RAPGEF4: variants seen among roughly 807,000 people sequenced by gnomAD.
RAPGEF4 encodes Rap guanine nucleotide exchange factor 4.
A neutral mutation model predicts 147.9 loss-of-function variants in RAPGEF4; 66 were observed. That is an observed-to-expected ratio of 0.45 (90% confidence interval 0.37 to 0.55). The LOEUF is 0.55. Ranked by LOEUF, RAPGEF4 falls within the 20% of genes least tolerant of loss-of-function variation. The probability of loss-of-function intolerance (pLI) is 0.00; values close to 1 mark genes in which losing one functional copy is unlikely to be tolerated. For missense variants in RAPGEF4, 1,071 were observed against 1,257.3 expected, an observed-to-expected ratio of 0.85 and a Z score of 2.24; for synonymous variants, 419 against 442.7, an observed-to-expected ratio of 0.95 and a Z score of 0.67.
chr2:172,841,078 T>C (rs1347046562), intron 4 of RAPGEF4, among the ~76,000 whole-genome samples: 1 of 152,220 alleles, frequency 6.6e-6, no homozygotes, highest in Non-Finnish European at 1.5e-5. Context: ...ATGCATGCTA[T>C]GGTTTGGATA....
intron 25 of RAPGEF4, among the ~76,000 whole-genome samples, chr2:173,028,503 G>T (rs1416774772): frequency 6.6e-6 from 1 of 152,176 alleles, no homozygotes; most frequent in Non-Finnish European, 1.5e-5. Context: ...GCCTGATCCT[G>T]TTATTTTACA....
At chr2:172,737,270 A>G (rs1402123637) in intron 1 of RAPGEF4, among the ~76,000 whole-genome samples, 1 of 152,208 alleles carries the variant, frequency 6.6e-6, no homozygotes, top group Non-Finnish European at 1.5e-5. Context: ...AATAAATAGT[A>G]AGAGAATTAA....
intron 29 of RAPGEF4, among the ~76,000 whole-genome samples, chr2:173,045,258 G>C (rs1350117910): frequency 6.6e-6 from 1 of 152,234 alleles, no homozygotes; most frequent in Non-Finnish European, 1.5e-5. Context: ...CAGCAAAGGA[G>C]GCTGAGAGGT....
chr2:172,757,991 G>A (rs960294024), intron 1 of RAPGEF4, among the ~76,000 whole-genome samples: 1 of 152,116 alleles, frequency 6.6e-6, no homozygotes. Flanking sequence ...TATATCTTAT[G>A]TTTGAAGGCA....
intron 29 of RAPGEF4, 88 bp from the exon 30 acceptor site, chr2:173,048,512 G>A: frequency 6.4e-7 from 1 of 1,573,584 alleles, no homozygotes; most frequent in Admixed American, 1.8e-5. Flanking sequence ...ATGGTACCAA[G>A]TATTGCAGAA....
intron 4 of RAPGEF4, among the ~76,000 whole-genome samples, chr2:172,887,673 C>T (rs1697398585): frequency 6.6e-6 from 1 of 152,206 alleles, no homozygotes; most frequent in Admixed American, 6.5e-5. Flanking sequence ...TGACAGAAAA[C>T]CTTTGCTGAT....
chr2:172,803,446 T>G (rs1314753549), intron 3 of RAPGEF4, among the ~76,000 whole-genome samples: 1 of 152,020 alleles, frequency 6.6e-6, no homozygotes, highest in Non-Finnish European at 1.5e-5. Context: ...ATGGCTGGAG[T>G]GGCTAGGATG....
rs982971232 is a variant in RAPGEF4, at chr2:172,736,022, C to G, written c.39C>G (p.Ala13=). ...ACGCTGCCCATTCTTCCTCCTCTGC[C>G]GAGTGGATCGCCTGCCTGGATAAAA... ...AAHAAHSSSS[A]EWIACLDKRP... The change falls in exon 1 of 31, where the codon GCC becomes GCG. Residue 13 remains alanine (A), a synonymous_variant. Transcript: ENST00000397081. 5.8e-5 allele frequency: 86 copies of G among 1,475,808 alleles called. No homozygotes were observed. Among genetic ancestry groups the G allele is most frequent in the Non-Finnish European group, 7.5e-5 (84 of 1,112,622 alleles). 91.4% of individuals were successfully genotyped at this position (1,475,808 alleles called of 1,614,324 possible). A position where few individuals can be genotyped will look rare whatever the true frequency, so the allele number is the denominator to read the frequency against.
chr2:172,737,147 T>A (rs1216900597), intron 1 of RAPGEF4, among the ~76,000 whole-genome samples: 1 of 152,236 alleles, frequency 6.6e-6, no homozygotes, highest in Non-Finnish European at 1.5e-5. Context: ...AAGCTTAATA[T>A]ATCTGAGAAA....
At chr2:172,741,538 T>A (rs1694297217) in intron 1 of RAPGEF4, among the ~76,000 whole-genome samples, 1 of 152,230 alleles carries the variant, frequency 6.6e-6, no homozygotes, top group Non-Finnish European at 1.5e-5. Context: ...AAAATGACAC[T>A]GCATAGCTCT....
chr2:172,739,238 ATCT>A (rs1340081443), intron 1 of RAPGEF4, among the ~76,000 whole-genome samples: 1 of 152,120 alleles, frequency 6.6e-6, no homozygotes, highest in Non-Finnish European at 1.5e-5. Context: ...TATCTCAGGG[ATCT>A]TACCATTTTT....
Position 173,052,023 on chromosome 2 carries a change from C to A in RAPGEF4, c.*256C>A. 3.3e-6 allele frequency: 1 copy of A among 301,686 alleles called. No homozygotes were observed. Among genetic ancestry groups the A allele is most frequent in the Non-Finnish European group, 6.2e-6 (1 of 161,224 alleles). The allele number at this position is 301,686 out of a possible 1,614,324, so 18.7% of individuals were successfully genotyped here. The stretch of plus-strand genomic sequence containing the variant: ...TACCCTGTTTCATTTCCACTTGTGC[C>A]ATCTTCTTTGCTGAAGTGTTGAATA... On this transcript the variant is annotated 3_prime_UTR_variant, in exon 31 of 31. Transcript: ENST00000397081.
chr2:172,884,847 T>G (rs1369133011), intron 4 of RAPGEF4, among the ~76,000 whole-genome samples: 1 of 152,254 alleles, frequency 6.6e-6, no homozygotes, highest in Non-Finnish European at 1.5e-5. Context: ...GGGAGAAATT[T>G]AGGAAGTTCT....
At chr2:172,746,082 C>T (rs1259650478) in intron 1 of RAPGEF4, among the ~76,000 whole-genome samples, 1 of 151,986 alleles carries the variant, frequency 6.6e-6, no homozygotes, top group Non-Finnish European at 1.5e-5. Flanking sequence ...GCATTTGAGC[C>T]GTTAACAATG....
At chr2:173,035,259 A>G (rs1449175691) in intron 27 of RAPGEF4, among the ~76,000 whole-genome samples, 1 of 151,938 alleles carries the variant, frequency 6.6e-6, no homozygotes, top group African/African-American at 2.4e-5. Context: ...CTATAATCCC[A>G]GCACTTTGGG....
At chr2:173,016,138 T>C (rs1337885489) in intron 18 of RAPGEF4, among the ~76,000 whole-genome samples, 1 of 152,236 alleles carries the variant, frequency 6.6e-6, no homozygotes, top group Non-Finnish European at 1.5e-5. Flanking sequence ...CAGTCATTGA[T>C]TGCCACTATT....
intron 6 of RAPGEF4, among the ~76,000 whole-genome samples, chr2:172,927,883 G>C (rs555940832): frequency 6.6e-6 from 1 of 152,136 alleles, no homozygotes; most frequent in African/African-American, 2.4e-5. Context: ...TGCCATTACC[G>C]TTCTGAAACT....
chr2:172,818,050 T>C (rs547777173), intron 4 of RAPGEF4, among the ~76,000 whole-genome samples: 25 of 151,364 alleles, frequency 1.7e-4, no homozygotes, highest in African/African-American at 5.1e-4. Context: ...CTGGGTGGAA[T>C]TGGAGACCAT....
At chr2:172,819,726 A>G (rs956512815) in intron 4 of RAPGEF4, among the ~76,000 whole-genome samples, 1 of 151,984 alleles carries the variant, frequency 6.6e-6, no homozygotes, top group African/African-American at 2.4e-5. Flanking sequence ...CGGCCTCCCA[A>G]AGTGCTGGGA....
Sources: gnomAD v4.1 joint callset for allele counts (sites outside exome capture counted in the v4.1 genomes callset) on GRCh38, gnomAD v4.1.1 for gene constraint, MANE v1.5 for transcripts, NCBI Gene and HGNC (gene_info 2026-07-23, HGNC 2026-07-21) for gene names.